Variants in ELN observed in about 807,000 individuals in gnomAD.
The protein encoded by ELN is tropoelastin.
ELN carries 65 observed loss-of-function variants against 105.8 expected under a neutral mutation model. That is an observed-to-expected ratio of 0.61 (90% CI 0.50 to 0.75). The LOEUF (loss-of-function observed/expected upper bound fraction) is 0.75. ELN is among the 30% of genes least tolerant of loss of function. The probability of loss-of-function intolerance (pLI) is 0.00; values close to 1 mark genes in which losing one functional copy is unlikely to be tolerated. For missense variants in ELN, 882 were observed against 969.4 expected, an observed-to-expected ratio of 0.91 and a Z score of 1.20; for synonymous variants, 368 against 389.2, an observed-to-expected ratio of 0.95 and a Z score of 0.64.
chr7:74,062,543 G>GTTGT (rs541803683), intron 26 of ELN, among the ~76,000 whole-genome samples: 4,729 of 151,998 alleles, frequency 0.031, 93 homozygotes, highest in Non-Finnish European at 0.043. Flanking sequence ...TACTATTACC[G>GTTGT]TTGTTTGTTT....
At position 74,028,253 on chromosome 7, in the gene ELN, C is replaced by T; in HGVS notation, c.66C>T (p.His22=). The T allele has an allele frequency of 6.2e-7, 1 of 1,609,310 alleles. No individual in the cohort carries two copies. Among genetic ancestry groups the T allele is most frequent in the African/African-American group, 1.3e-5 (1 of 75,030 alleles). Residue 22 remains histidine, a synonymous_variant, in exon 1 of 33, where the codon CAC becomes CAT. Transcript: ENST00000252034. ...GVLLLLLSIL[H]PSRPGGVPGA... ...TCCTGCTCCTGCTGTCCATCCTCCA[C>T]CCCTCTCGGCCTGGAGGTAAGGACC...
At position 74,043,980 on chromosome 7, in the gene ELN, T is replaced by G. The variant is rs562187666; in HGVS notation, c.469+60T>G. On this transcript the variant is annotated intron_variant, in intron 9 of 32. Transcript: ENST00000252034. ...AAGAAAGCAGCCAGGACGCAGTGGC[T>G]CATGCCTATAATCCCATTGCTTTGG... 25 of 1,601,588 alleles carry G rather than the reference T, an allele frequency of 1.6e-5. No homozygotes were observed. In the East Asian group the frequency reaches 5.4e-4, roughly 34 times the overall value.
In ELN at chr7:74,043,261, G is replaced by A. The variant is rs1480828134; in HGVS notation, c.427+93G>A. 9 of 1,517,434 alleles carry A rather than the reference G, an allele frequency of 5.9e-6. No individual in the cohort carries two copies. In the Admixed American group the frequency reaches 1.4e-4, roughly 23 times the overall value. The allele number at this position is 1,517,434 out of a possible 1,614,324, so 94.0% of individuals were successfully genotyped here. A position where few individuals can be genotyped will look rare whatever the true frequency, so the allele number is the denominator to read the frequency against. On this transcript the variant is annotated intron_variant, in intron 8 of 32. Transcript: ENST00000252034. Reference sequence around the variant, plus strand: ...GCCCTCTCCATGCCACTGCACTTGGGGAGGAAGGGCAGGGCCTGGCTTCAG... The same window carrying A: ...GCCCTCTCCATGCCACTGCACTTGGAGAGGAAGGGCAGGGCCTGGCTTCAG...
chr7:74,044,640 C>A (rs1298375554), intron 9 of ELN, among the ~76,000 whole-genome samples: 1 of 152,250 alleles, frequency 6.6e-6, no homozygotes, highest in African/African-American at 2.4e-5. Flanking sequence ...CCACCCCACC[C>A]AACATGTGAC....
intron 25 of ELN, among the ~76,000 whole-genome samples, chr7:74,060,840 C>T (rs1240448521): frequency 2.6e-5 from 4 of 152,206 alleles, no homozygotes; most frequent in African/African-American, 9.7e-5. Flanking sequence ...ACTAGGAACT[C>T]CAGTTCTTCA....
chr7:74,068,258 C>G (rs1554690312), intron 32 of ELN, among the ~76,000 whole-genome samples: 1 of 152,166 alleles, frequency 6.6e-6, no homozygotes, highest in Non-Finnish European at 1.5e-5. Flanking sequence ...ATGTATGGGT[C>G]CACCCCACTC....
chr7:74,068,481 C>T (rs1798477359), intron 32 of ELN, among the ~76,000 whole-genome samples, 176 bp from the exon 33 acceptor site: 1 of 152,228 alleles, frequency 6.6e-6, no homozygotes, highest in Admixed American at 6.5e-5. Context: ...CTTCTCCCGC[C>T]CCATCTGTCC....
intron 23 of ELN, 23 bp downstream of exon 23, chr7:74,060,070 C>A: frequency 6.2e-7 from 1 of 1,614,118 alleles, no homozygotes; most frequent in South Asian, 1.1e-5. Flanking sequence ...AGTCAATGAG[C>A]CTGAGGGGCC....
At chr7:74,045,941 G>C in intron 10 of ELN, 1 of 538,506 alleles carries the variant, frequency 1.9e-6, no homozygotes, top group South Asian at 2.2e-5. Flanking sequence ...AGGCTGAGGC[G>C]GGAGAATCGC....
Position 74,057,677 on chromosome 7 carries a change from C to T in ELN, c.1395C>T (p.Ala465=), listed in dbSNP as rs368237840. The T allele has an allele frequency of 4.6e-5, 74 of 1,613,506 alleles. 1 individual carries two copies. The highest frequency in any genetic ancestry group is 3.6e-4 in the South Asian group (33 of 91,046). Residue 465 remains alanine, a synonymous_variant, in exon 22 of 33, where the codon GCC becomes GCT. Transcript: ENST00000252034. Reference sequence around the variant, plus strand: ...CAGCAGCTGCAGCTGCTAAAGCAGCCGCCAAAGCCGCCCAGTTTGGTAAGT... The same window carrying T: ...CAGCAGCTGCAGCTGCTAAAGCAGCTGCCAAAGCCGCCCAGTTTGGTAAGT... ...GTPAAAAAKA[A]AKAAQFGLVP...
intron 29 of ELN, 78 bp from the exon 30 acceptor site, chr7:74,065,616 G>GAAA (rs71519315): frequency 8.2e-4 from 1,041 of 1,273,630 alleles, no homozygotes; most frequent in South Asian, 1.3e-3. Context: ...TCTGCCTCAA[G>GAAA]AAAAAAAAAA....
Position 74,066,754 on chromosome 7 carries a change from C to G in ELN, c.2109C>G (p.Phe703Leu), listed in dbSNP as rs149755814. Residue 703 changes from phenylalanine (F) to leucine (L), a missense_variant, in exon 32 of 33, where the codon TTC (phenylalanine) becomes TTG (leucine). By Grantham distance (22) the Phe-to-Leu change is conservative. Coordinates refer to ENST00000252034, the MANE Select transcript of ELN (RefSeq NM_000501.4). ...PLGGVAARPG[F>L]GLSPIFPGGA... ...CAGGAGTGGCAGCAAGACCTGGCTT[C>G]GGATTGTCTCCCATTTTCCCAGGTA... 1.2e-6 allele frequency: 2 copies of G among 1,613,612 alleles called. No individual in the cohort carries two copies. Among genetic ancestry groups the G allele is most frequent in the Non-Finnish European group, 1.7e-6 (2 of 1,179,684 alleles).
At chr7:74,056,780 G>A in intron 21 of ELN, 67 bp downstream of exon 21, 4 of 1,607,456 alleles carry the variant, frequency 2.5e-6, no homozygotes, top group Non-Finnish European at 2.5e-6. Context: ...CCAACCTCAG[G>A]GCAAACTGGC....
intron 1 of ELN, among the ~76,000 whole-genome samples, chr7:74,029,735 C>A (rs2086160313): frequency 6.6e-6 from 1 of 152,206 alleles, no homozygotes; most frequent in South Asian, 2.1e-4. Flanking sequence ...AGCCTCCTCC[C>A]CAGGTGTAGC....
chr7:74,068,062 G>C (rs191598258), intron 32 of ELN, among the ~76,000 whole-genome samples: 627 of 151,978 alleles, frequency 4.1e-3, no homozygotes, highest in Middle Eastern at 0.014. Context: ...GAACTGCTCC[G>C]GGCCGCGCTA....
rs377175361 is a variant in ELN, at chr7:74,059,855, G to C, written c.1415-31G>C. 41 of 980,546 alleles carry C rather than the reference G, an allele frequency of 4.2e-5. No individual in the cohort carries two copies. In the African/African-American group the frequency reaches 5.6e-4, roughly 13 times the overall value. The allele number at this position is 980,546 out of a possible 1,614,324, so 60.7% of individuals were successfully genotyped here. A position where few individuals can be genotyped will look rare whatever the true frequency, so the allele number is the denominator to read the frequency against. Reference sequence around the variant, plus strand: ...CTTCTGTCCTCTTTGATCAGGTCTTGGTTAATGATCAGCTCTTCTCAATCT... The same window carrying C: ...CTTCTGTCCTCTTTGATCAGGTCTTCGTTAATGATCAGCTCTTCTCAATCT... On this transcript the variant is annotated intron_variant, in intron 22 of 32. Coordinates refer to ENST00000252034, the MANE Select transcript of ELN (RefSeq NM_000501.4).
intron 19 of ELN, among the ~76,000 whole-genome samples, chr7:74,055,695 G>C (rs1438321295): frequency 6.6e-6 from 1 of 151,956 alleles, no homozygotes; most frequent in African/African-American, 2.4e-5. Flanking sequence ...GGCCAGGCTG[G>C]TCTCGAACTC....
At chr7:74,028,368 A>G in intron 1 of ELN, 99 bp downstream of exon 1, 1 of 1,371,124 alleles carries the variant, frequency 7.3e-7, no homozygotes, top group Admixed American at 2.0e-5. Flanking sequence ...GTCCCTGGGA[A>G]CTGCAAGGGG....
At chr7:74,056,040 G>C (rs1168585482) in intron 19 of ELN, among the ~76,000 whole-genome samples, 1 of 152,040 alleles carries the variant, frequency 6.6e-6, no homozygotes, top group Non-Finnish European at 1.5e-5. Context: ...ACCTGCCTCA[G>C]CCTCCCAAAG....
Sources: allele counts gnomAD v4.1 joint callset (sites outside exome capture counted in the v4.1 genomes callset), GRCh38; gene constraint gnomAD v4.1.1; transcripts MANE v1.5; gene names NCBI Gene and HGNC (gene_info 2026-07-23, HGNC 2026-07-21).